Variants in AGO3 observed in about 807,000 individuals in gnomAD.
The protein encoded by AGO3 is argonaute RISC catalytic component 3.
AGO3 carries 16 observed loss-of-function variants against 105.5 expected under a neutral mutation model. The observed-to-expected ratio is 0.15, with a 90% CI of 0.10 to 0.23. AGO3 has a LOEUF of 0.23. Ranked by LOEUF, AGO3 falls within the 10% of genes least tolerant of loss-of-function variation. The pLI, the probability that AGO3 is intolerant of heterozygous loss-of-function variation, is 1.00. For synonymous variants in AGO3, 340 were observed against 367.3 expected (o/e 0.93, Z 0.85); for missense variants, 534 against 1,088.0 (o/e 0.49, Z 7.16).
At position 36,006,121 on chromosome 1, in the gene AGO3, T is replaced by A. The variant is rs528831253; in HGVS notation, c.793+1646T>A. ...AGTAAAATAGGGCTTTTTTTTTTTTTAAAGAAGGCTCTTTAAAGTACATCA... is the reference window on the plus strand; with the variant it reads ...AGTAAAATAGGGCTTTTTTTTTTTTAAAAGAAGGCTCTTTAAAGTACATCA... On this transcript the variant is annotated intron_variant, in intron 6 of 18. Transcript: ENST00000373191. Among the ~76,000 whole-genome samples the A allele has an allele frequency of 8.2e-3, 1,250 of 151,754 alleles. 20 individuals carry two copies. Among genetic ancestry groups the A allele is most frequent in the African/African-American group, 0.028 (1,172 of 41,424 alleles).
chr1:35,992,970 G>A (rs768015907), intron 5 of AGO3, among the ~76,000 whole-genome samples: 4 of 152,176 alleles, frequency 2.6e-5, no homozygotes, highest in Non-Finnish European at 4.4e-5. Flanking sequence ...TCTCTATAAG[G>A]CTGGGTAAGT....
chr1:35,960,918 A>G (rs1646661929), intron 2 of AGO3, among the ~76,000 whole-genome samples: 1 of 151,872 alleles, frequency 6.6e-6, no homozygotes, highest in Non-Finnish European at 1.5e-5. Context: ...GATAAAATTT[A>G]CAATGTTTCT....
intron 11 of AGO3, among the ~76,000 whole-genome samples, chr1:36,021,386 A>T (rs1641212871): frequency 6.6e-6 from 1 of 152,198 alleles, no homozygotes; most frequent in African/African-American, 2.4e-5. Flanking sequence ...GGCCTACAAT[A>T]GTTTAACGTA....
At chr1:35,950,436 A>G (rs563969494) in intron 2 of AGO3, among the ~76,000 whole-genome samples, 4 of 152,324 alleles carry the variant, frequency 2.6e-5, no homozygotes, top group South Asian at 2.1e-4. Flanking sequence ...TCTTAGACAC[A>G]ATATCCAGGA....
At chr1:36,041,399 G>T (rs1311756486) in intron 16 of AGO3, among the ~76,000 whole-genome samples, 2 of 151,620 alleles carry the variant, frequency 1.3e-5, no homozygotes, top group Non-Finnish European at 2.9e-5. Context: ...CTGCCACCAT[G>T]CCCGGCTAAT....
chr1:35,961,710 A>G (rs1366629548), intron 2 of AGO3, among the ~76,000 whole-genome samples: 2 of 152,228 alleles, frequency 1.3e-5, no homozygotes, highest in Non-Finnish European at 2.9e-5. Flanking sequence ...CAAATTGAAC[A>G]GAGTACTCCA....
rs577597012 is a variant in AGO3, at chr1:36,057,263, G to C, written c.*1518G>C. The C allele has an allele frequency of 6.6e-6, 1 of 152,068 alleles. No homozygotes were observed. Among genetic ancestry groups the C allele is most frequent in the South Asian group, 2.1e-4 (1 of 4,824 alleles). 9.4% of individuals were successfully genotyped at this position (152,068 alleles called of 1,614,324 possible). A position where few individuals can be genotyped will look rare whatever the true frequency, so the allele number is the denominator to read the frequency against. ...AATTGAGTAGAGAGAAGAGTTTGTT[G>C]AGGGATTTTTTTGTTTTGTTTTTTG... On this transcript the variant is annotated 3_prime_UTR_variant, in exon 19 of 19. Transcript: ENST00000373191.
chr1:35,948,074 T>A (rs1190023051), intron 2 of AGO3, among the ~76,000 whole-genome samples: 2 of 151,908 alleles, frequency 1.3e-5, no homozygotes, highest in African/African-American at 4.8e-5. Flanking sequence ...ATCTAAAAAA[T>A]AAATAAATAA....
intron 5 of AGO3, among the ~76,000 whole-genome samples, chr1:36,003,019 C>T (rs1421751719): frequency 2.0e-5 from 3 of 151,778 alleles, no homozygotes; most frequent in Non-Finnish European, 2.9e-5. Context: ...TGCAGTGAGC[C>T]GAGATCGCGC....
chr1:36,031,115 A>G (rs1287308227), intron 12 of AGO3, among the ~76,000 whole-genome samples: 1 of 152,194 alleles, frequency 6.6e-6, no homozygotes, highest in Admixed American at 6.6e-5. Flanking sequence ...TGAAAATACA[A>G]GATTTTATTT....
intron 11 of AGO3, among the ~76,000 whole-genome samples, chr1:36,022,149 C>T (rs1169679793): frequency 6.8e-6 from 1 of 148,042 alleles, no homozygotes; most frequent in East Asian, 2.0e-4. Flanking sequence ...CACTGCGCCT[C>T]AGCCTCTCAG....
intron 17 of AGO3, among the ~76,000 whole-genome samples, chr1:36,046,085 C>G (rs897953383): frequency 6.6e-6 from 1 of 152,206 alleles, no homozygotes; most frequent in Non-Finnish European, 1.5e-5. Flanking sequence ...GACACCTACA[C>G]TGGGGTCCCC....
intron 14 of AGO3, among the ~76,000 whole-genome samples, chr1:36,038,336 A>G (rs1340341791): frequency 6.7e-6 from 1 of 149,624 alleles, no homozygotes; most frequent in Non-Finnish European, 1.5e-5. Flanking sequence ...GCTCACTGCA[A>G]GCTCCGCCTC....
In AGO3 at chr1:36,068,519, G is replaced by A. The variant is rs951180688; in HGVS notation, c.*12774G>A. 6.6e-6 allele frequency: 1 copy of A among 152,140 alleles called. No individual in the cohort carries two copies. Among genetic ancestry groups the A allele is most frequent in the African/African-American group, 2.4e-5 (1 of 41,518 alleles). The allele number at this position is 152,140 out of a possible 1,614,324, so 9.4% of individuals were successfully genotyped here. On this transcript the variant is annotated 3_prime_UTR_variant, in exon 19 of 19. Transcript: ENST00000373191. ...ATCTTTAAAATAAATAAATAAATAA[G>A]AATTATTCTTGAAAGTAATATTCTA...
chr1:35,931,237 C>T lies in AGO3; in HGVS notation c.-190C>T, dbSNP rs980421530. 133 of 448,790 alleles carry T rather than the reference C, an allele frequency of 3.0e-4. No individual in the cohort carries two copies. Among genetic ancestry groups the T allele is most frequent in the Admixed American group, 8.8e-4 (20 of 22,764 alleles). 27.8% of individuals were successfully genotyped at this position (448,790 alleles called of 1,614,324 possible). A position where few individuals can be genotyped will look rare whatever the true frequency, so the allele number is the denominator to read the frequency against. ...CCCTTCCTCTCGCCTAGTCCTGTGCCGTTTTCCGTCCGCGACTCTTCCGGC... is the reference window on the plus strand; with the variant it reads ...CCCTTCCTCTCGCCTAGTCCTGTGCTGTTTTCCGTCCGCGACTCTTCCGGC... On this transcript the variant is annotated 5_prime_UTR_variant, in exon 1 of 19. Coordinates refer to ENST00000373191, the MANE Select transcript of AGO3 (RefSeq NM_024852.4).
chr1:36,037,789 A>G (rs899446249), intron 14 of AGO3, among the ~76,000 whole-genome samples: 2 of 152,340 alleles, frequency 1.3e-5, no homozygotes, highest in Admixed American at 1.3e-4. Context: ...CATTCATTAA[A>G]GTGTTCTTAT....
intron 14 of AGO3, among the ~76,000 whole-genome samples, chr1:36,038,110 G>GT (rs1642089514): frequency 6.6e-6 from 1 of 152,140 alleles, no homozygotes; most frequent in African/African-American, 2.4e-5. Flanking sequence ...TGATAACGAA[G>GT]TAACAACATT....
Position 36,054,936 on chromosome 1 carries a change from T to C in AGO3, c.2275-10T>C. ...AAATTCAACAGTGTATGTCATTGCCTTCTCTATAGGGTACCAGTCGTCCTT... is the reference window on the plus strand; with the variant it reads ...AAATTCAACAGTGTATGTCATTGCCCTCTCTATAGGGTACCAGTCGTCCTT... On this transcript the variant is annotated splice_polypyrimidine_tract_variant and intron_variant, in intron 17 of 18. Transcript: ENST00000373191. The C allele has an allele frequency of 1.2e-6, 2 of 1,612,902 alleles. No individual in the cohort carries two copies. Among genetic ancestry groups the C allele is most frequent in the Non-Finnish European group, 1.7e-6 (2 of 1,178,932 alleles).
intron 6 of AGO3, among the ~76,000 whole-genome samples, chr1:36,007,994 A>C (rs1477634509): frequency 6.6e-6 from 1 of 152,194 alleles, no homozygotes; most frequent in Non-Finnish European, 1.5e-5. Flanking sequence ...TAAATTATGT[A>C]TATGTGCATT....
Sources: allele counts gnomAD v4.1 joint callset (sites outside exome capture counted in the v4.1 genomes callset), GRCh38; gene constraint gnomAD v4.1.1; transcripts MANE v1.5; gene names NCBI Gene and HGNC (gene_info 2026-07-23, HGNC 2026-07-21).